CFAP206: variants seen among roughly 807,000 people sequenced by gnomAD.
The protein encoded by CFAP206 is cilia- and flagella-associated protein 206.
CFAP206 carries 53 observed loss-of-function variants against 65.4 expected under a neutral mutation model. The observed-to-expected ratio is 0.81, with a 90% CI of 0.65 to 1.02. The LOEUF (loss-of-function observed/expected upper bound fraction) is 1.02, where lower values mean the gene tolerates loss of function less well. Ranked by LOEUF, CFAP206 falls within the 50% of genes least tolerant of loss-of-function variation. CFAP206 has a pLI of 0.00. For synonymous variants in CFAP206, 250 were observed against 254.4 expected, an observed-to-expected ratio of 0.98 and a Z score of 0.17; for missense variants, 663 against 753.2, an observed-to-expected ratio of 0.88 and a Z score of 1.40.
chr6:87,451,721 C>T (rs1279614947), intron 11 of CFAP206, among the ~76,000 whole-genome samples: 3 of 151,972 alleles, frequency 2.0e-5, no homozygotes, highest in African/African-American at 7.3e-5. Flanking sequence ...AATCAAACTC[C>T]TATAGTTCCT....
intron 11 of CFAP206, among the ~76,000 whole-genome samples, chr6:87,454,437 T>C (rs1768600739): frequency 6.6e-6 from 1 of 152,198 alleles, no homozygotes; most frequent in Non-Finnish European, 1.5e-5. Context: ...CATATTCTTT[T>C]CCTTAGCACA....
At chr6:87,429,959 T>TA (rs1188590963) in intron 9 of CFAP206, among the ~76,000 whole-genome samples, 1 of 152,198 alleles carries the variant, frequency 6.6e-6, no homozygotes. Context: ...ATTGAAAAGT[T>TA]AAAGTATCTC....
At chr6:87,435,255 T>C (rs1321940595) in intron 11 of CFAP206, 3 of 405,616 alleles carry the variant, frequency 7.4e-6, no homozygotes, top group Non-Finnish European at 1.3e-5. Flanking sequence ...TGGAGTCAAA[T>C]TGATGAATTA....
chr6:87,444,550 C>A, intron 11 of CFAP206: 1 of 291,720 alleles, frequency 3.4e-6, no homozygotes, highest in South Asian at 4.3e-5. Context: ...ACCTCTGGAT[C>A]ACTAAGAATG....
chr6:87,418,103 G>A (rs57091345), intron 6 of CFAP206, 105 bp from the exon 7 acceptor site: 30,858 of 1,018,136 alleles, frequency 0.03, 573 homozygotes, highest in African/African-American at 0.06. Flanking sequence ...TGATTGGGGA[G>A]AAAAACCCTA....
At chr6:87,452,775 A>G (rs941445132) in intron 11 of CFAP206, among the ~76,000 whole-genome samples, 1 of 152,096 alleles carries the variant, frequency 6.6e-6, no homozygotes, top group African/African-American at 2.4e-5. Flanking sequence ...TTGAAAATAC[A>G]TAGTCAGAGG....
At chr6:87,420,673 T>TATC (rs1272635331) in intron 7 of CFAP206, among the ~76,000 whole-genome samples, 2 of 152,210 alleles carry the variant, frequency 1.3e-5, no homozygotes, top group African/African-American at 2.4e-5. Flanking sequence ...TGTTTATGAT[T>TATC]ATCATCATCA....
intron 3 of CFAP206, 128 bp downstream of exon 3, chr6:87,410,796 AT>A: frequency 1.4e-6 from 1 of 690,282 alleles, no homozygotes. Context: ...TACACGAGAT[AT>A]TTTTCTCATA....
At chr6:87,458,091 C>T (rs1184354040) in intron 11 of CFAP206, among the ~76,000 whole-genome samples, 1 of 152,096 alleles carries the variant, frequency 6.6e-6, no homozygotes, top group Non-Finnish European at 1.5e-5. Context: ...CACTGATCAT[C>T]AGGGAAATGC....
At chr6:87,431,918 A>G (rs545320294) in intron 10 of CFAP206, among the ~76,000 whole-genome samples, 3 of 152,358 alleles carry the variant, frequency 2.0e-5, no homozygotes, top group Admixed American at 2.0e-4. Flanking sequence ...TTTCTCTGTT[A>G]GACGCCTATA....
In CFAP206 at chr6:87,464,386, C is replaced by A; in HGVS notation, c.*136C>A. 1 of 511,304 alleles carries A rather than the reference C, an allele frequency of 2.0e-6. No individual in the cohort carries two copies. 31.7% of individuals were successfully genotyped at this position (511,304 alleles called of 1,614,324 possible). A position where few individuals can be genotyped will look rare whatever the true frequency, so the allele number is the denominator to read the frequency against. ...GTTGTGTGACTGTTTATTGGGTTCC[C>A]ATATTTTATCAAACTGTTTTCTGTA... is the stretch of plus-strand genomic sequence containing the variant. On this transcript the variant is annotated 3_prime_UTR_variant, in exon 13 of 13. Transcript: ENST00000369562.
At chr6:87,456,338 A>C (rs9450694) in intron 11 of CFAP206, among the ~76,000 whole-genome samples, 41,471 of 151,910 alleles carry the variant, frequency 0.27, 5,868 homozygotes, top group Admixed American at 0.38. Context: ...TGATTAAAAA[A>C]CCTCAAAAAA....
intron 7 of CFAP206, among the ~76,000 whole-genome samples, chr6:87,423,397 C>T (rs973797269): frequency 2.0e-5 from 3 of 151,912 alleles, no homozygotes; most frequent in African/African-American, 7.3e-5. Flanking sequence ...TACAGGCGCC[C>T]GCCACCACGT....
At chr6:87,461,533 C>T (rs192245440) in intron 12 of CFAP206, among the ~76,000 whole-genome samples, 93 of 152,088 alleles carry the variant, frequency 6.1e-4, no homozygotes, top group African/African-American at 2.2e-3. Context: ...AACATATTAT[C>T]TCCAGACCCT....
rs1768415682 is a variant in CFAP206 at position 87,444,715 on chromosome 6, TC to T, written c.1494+9663del. 3 of 359,108 alleles carry T rather than the reference TC, an allele frequency of 8.4e-6. No homozygotes were observed. The Admixed American group carries it at 1.1e-4, about 13-fold the overall frequency. The allele number at this position is 359,108 out of a possible 1,614,324, so 22.2% of individuals were successfully genotyped here. ...TTTCTGAGCCTTTTTAACTATTTTT[TC>T]TTTGATCGCTCACTCTTCATGGTTT... On this transcript the variant is annotated intron_variant, in intron 11 of 12. Coordinates refer to ENST00000369562, the MANE Select transcript of CFAP206 (RefSeq NM_001031743.3).
chr6:87,426,242 A>G (rs141305255), intron 7 of CFAP206, among the ~76,000 whole-genome samples: 3 of 152,354 alleles, frequency 2.0e-5, no homozygotes, highest in Middle Eastern at 3.4e-3. Context: ...TTGAGGATCC[A>G]TTTCTCAAGA....
chr6:87,433,470 C>T (rs1475784506), intron 10 of CFAP206, among the ~76,000 whole-genome samples: 1 of 152,116 alleles, frequency 6.6e-6, no homozygotes, highest in Non-Finnish European at 1.5e-5. Context: ...TATCTTTTTA[C>T]AGTGAAAAAT....
chr6:87,449,046 G>T (rs891279252), intron 11 of CFAP206, among the ~76,000 whole-genome samples: 1 of 152,038 alleles, frequency 6.6e-6, no homozygotes, highest in African/African-American at 2.4e-5. Flanking sequence ...GGATCATATG[G>T]TATTTCTATT....
intron 11 of CFAP206, among the ~76,000 whole-genome samples, chr6:87,456,008 C>T (rs1768634779): frequency 6.6e-6 from 1 of 152,142 alleles, no homozygotes; most frequent in Non-Finnish European, 1.5e-5. Context: ...ACTCATTCTA[C>T]AAGGCAATTA....
Sources: gnomAD v4.1 joint callset for allele counts (sites outside exome capture counted in the v4.1 genomes callset) on GRCh38, gnomAD v4.1.1 for gene constraint, MANE v1.5 for transcripts, NCBI Gene and HGNC (gene_info 2026-07-23, HGNC 2026-07-21) for gene names.